The following ABCF2 variants were observed in gnomAD, a reference collection of about 807,000 sequenced individuals.
ABCF2 encodes ATP binding cassette subfamily F member 2.
ABCF2 carries 37 observed loss-of-function variants against 76.9 expected under a neutral mutation model. The ratio of observed to expected loss-of-function variants is 0.48; its 90% confidence interval spans 0.37 to 0.63. ABCF2 has a LOEUF of 0.63. Ranked by LOEUF, ABCF2 falls within the 30% of genes least tolerant of loss-of-function variation. The pLI is 0.00. For synonymous variants in ABCF2, 299 were observed against 283.7 expected (o/e 1.05, Z -0.54); for missense variants, 524 against 782.1 (o/e 0.67, Z 3.94).
Position 151,213,994 on chromosome 7 carries a change from G to A in ABCF2, c.*60C>T. 6.2e-7 allele frequency: 1 copy of A among 1,600,830 alleles called. No individual in the cohort carries two copies. On this transcript the variant is annotated 3_prime_UTR_variant, in exon 15 of 15. Transcript: ENST00000287844. The stretch of plus-strand genomic sequence containing the variant: ...CCCAGGGTCCTGTCCTGAGCGGCTG[G>A]TCAGGTTAGCAGCTGTTAGTTCCCA...
rs540220881 is a variant in ABCF2, at chr7:151,216,442, C to T, written c.1339-413G>A. 3.3e-5 allele frequency among the ~76,000 whole-genome samples: 5 copies of T among 152,326 alleles called. No homozygotes were observed. In the South Asian group the frequency reaches 1.0e-3, roughly 32 times the overall value. Reference sequence around the variant, plus strand: ...ACATATAGCAAAACTAATTTTGCCACAGGCTAACTGATATAAACAAGAATT... The same window carrying T: ...ACATATAGCAAAACTAATTTTGCCATAGGCTAACTGATATAAACAAGAATT... On this transcript the variant is annotated intron_variant, in intron 11 of 14. Coordinates refer to ENST00000287844, the MANE Select transcript of ABCF2 (RefSeq NM_007189.3).
In ABCF2 at chr7:151,221,673, G is replaced by A. The variant is rs1239651841; in HGVS notation, c.826C>T (p.Arg276Cys). 6.2e-7 allele frequency: 1 copy of A among 1,608,568 alleles called. No homozygotes were observed. Among genetic ancestry groups the A allele is most frequent in the Non-Finnish European group, 8.5e-7 (1 of 1,175,116 alleles). Reference protein sequence around the residue: ...WLEEELKTFKRILVLVSHSQD... With the variant: ...WLEEELKTFKCILVLVSHSQD... ...GAATGGGAGACGAGGACCAAGATGC[G>A]CTTAAAACTGTAAAGCCAAAGAACC... The change falls in exon 7 of 15, where the codon CGC becomes TGC. Residue 276 changes from arginine (R) to cysteine (C), a missense_variant. Coordinates refer to ENST00000287844, the MANE Select transcript of ABCF2 (RefSeq NM_007189.3).
chr7:151,217,037 A>G (rs1802165295), intron 11 of ABCF2, among the ~76,000 whole-genome samples: 2 of 152,254 alleles, frequency 1.3e-5, no homozygotes, highest in South Asian at 4.1e-4. Flanking sequence ...AATAATCACG[A>G]ATGTGGCTGG....
In ABCF2 at chr7:151,219,234, G is replaced by A. The variant is rs1014016521; in HGVS notation, c.922-75C>T. On this transcript the variant is annotated intron_variant, in intron 7 of 14. Coordinates refer to ENST00000287844, the MANE Select transcript of ABCF2 (RefSeq NM_007189.3). ...ATCCTGGATTCTCACTCAGAGTTTA[G>A]GGGGATGAGGGATGGCACTAACTTG... 5.4e-6 allele frequency: 7 copies of A among 1,295,578 alleles called. No individual in the cohort carries two copies. The South Asian group carries it at 7.1e-5, about 13-fold the overall frequency. 80.3% of individuals were successfully genotyped at this position (1,295,578 alleles called of 1,614,324 possible).
Position 151,213,378 on chromosome 7 carries a change from C to T in ABCF2, c.*676G>A, listed in dbSNP as rs1802086393. Reference sequence around the variant, plus strand: ...TCAGAAGTAAAGGGACAAAGTTCTTCCAGCTCCTATGGACTAGTCTTCAGT... The same window carrying T: ...TCAGAAGTAAAGGGACAAAGTTCTTTCAGCTCCTATGGACTAGTCTTCAGT... On this transcript the variant is annotated 3_prime_UTR_variant, in exon 15 of 15. Transcript: ENST00000287844. 1 of 985,254 alleles carries T rather than the reference C, an allele frequency of 1.0e-6. No individual in the cohort carries two copies. Among genetic ancestry groups the T allele is most frequent in the East Asian group, 1.1e-4 (1 of 8,814 alleles). 61.0% of individuals were successfully genotyped at this position (985,254 alleles called of 1,614,324 possible).
Position 151,214,121 on chromosome 7 carries a change from T to C in ABCF2, c.1805A>G (p.Lys602Arg). The change falls in exon 15 of 15, where the codon AAG becomes AGG. Residue 602 changes from lysine to arginine, a missense_variant. This residue lies in a region of ABCF2 where 194 missense variants were observed against 348.6 expected (regional missense o/e 0.56). Transcript: ENST00000287844. The surrounding 1 kb of genome is among the most constrained non-coding windows in gnomAD (Gnocchi z 4.9). ...TKWPGDILAY[K>R]EHLKSKLVDE... ...CACCAGCTTGGACTTGAGGTGCTCC[T>C]TGTAAGCCAGGATGTCTCCAGGCCA... is the stretch of plus-strand genomic sequence containing the variant. The C allele has an allele frequency of 1.2e-6, 2 of 1,614,204 alleles. No homozygotes were observed. Among genetic ancestry groups the C allele is most frequent in the Non-Finnish European group, 1.7e-6 (2 of 1,180,030 alleles).
At chr7:151,226,012 G>T (rs1271588733) in intron 2 of ABCF2, among the ~76,000 whole-genome samples, 1 of 152,162 alleles carries the variant, frequency 6.6e-6, no homozygotes, top group Non-Finnish European at 1.5e-5. Context: ...CATAGAAATG[G>T]AAACTGAGAA....
At chr7:151,216,079 T>C (rs1192178307) in intron 11 of ABCF2, 50 bp from the exon 12 acceptor site, 4 of 1,524,614 alleles carry the variant, frequency 2.6e-6, no homozygotes, top group East Asian at 2.3e-5. Context: ...GAAGCCCAGT[T>C]AGAAACATAG....
rs2150570695 is a variant in ABCF2 at position 151,211,988 on chromosome 7, C to T, written c.*2066G>A. ...AGCACACCAATTCCACCTTTCTGGG[C>T]AGCTACTCACAAGAAATTTCCCTCC... is the stretch of plus-strand genomic sequence containing the variant. On this transcript the variant is annotated 3_prime_UTR_variant, in exon 15 of 15. Coordinates refer to ENST00000287844, the MANE Select transcript of ABCF2 (RefSeq NM_007189.3). 1.0e-6 allele frequency: 1 copy of T among 974,106 alleles called. No homozygotes were observed. The highest frequency in any genetic ancestry group is 1.2e-6 in the Non-Finnish European group (1 of 819,668). The allele number at this position is 974,106 out of a possible 1,614,324, so 60.3% of individuals were successfully genotyped here.
In ABCF2 at chr7:151,214,953, C is replaced by T. The variant is rs758294368; in HGVS notation, c.1660G>A (p.Ala554Thr). ...TNHLDIETID[A>T]LADAINEFEG... is the part of the protein sequence containing the mutation. ...AACTCATTGATGGCATCTGCCAGGG[C>T]GTCGATGGTCTCGATATCCAGGTGA... The change falls in exon 14 of 15, where the codon GCC (alanine) becomes ACC (threonine). Residue 554 changes from alanine to threonine, a missense_variant. By Grantham distance (58) the Ala-to-Thr change is moderately conservative (BLOSUM62 0). Coordinates refer to ENST00000287844, the MANE Select transcript of ABCF2 (RefSeq NM_007189.3). This position sits in a 1 kb window ranked among gnomAD's most constrained non-coding sequence, Gnocchi z 4.9. 67 of 1,614,062 alleles carry T rather than the reference C, an allele frequency of 4.2e-5. No homozygotes were observed. The highest frequency in any genetic ancestry group is 5.1e-5 in the Non-Finnish European group (60 of 1,180,036).
At chr7:151,218,731 C>T (rs373824471) in intron 9 of ABCF2, 23 bp downstream of exon 9, 31 of 1,611,886 alleles carry the variant, frequency 1.9e-5, no homozygotes, top group African/African-American at 6.7e-5. Context: ...CACCCAATCA[C>T]ACCCCACCCA....
At position 151,226,467 on chromosome 7, in the gene ABCF2, C is replaced by A; in HGVS notation, c.-9G>T. Reference sequence around the variant, plus strand: ...GCCAGGTCGGAGGGCATGATGATGACCCACAGGGGTAGGTTACTGTTGTTT... The same window carrying A: ...GCCAGGTCGGAGGGCATGATGATGAACCACAGGGGTAGGTTACTGTTGTTT... On this transcript the variant is annotated 5_prime_UTR_variant, in exon 2 of 15. Transcript: ENST00000287844. The A allele has an allele frequency of 6.2e-7, 1 of 1,612,872 alleles. No individual in the cohort carries two copies. Among genetic ancestry groups the A allele is most frequent in the Non-Finnish European group, 8.5e-7 (1 of 1,179,548 alleles).
chr7:151,219,218 TCTCA>T (rs1461886339), intron 7 of ABCF2, 59 bp from the exon 8 acceptor site: 2 of 1,471,760 alleles, frequency 1.4e-6, no homozygotes, highest in East Asian at 2.3e-5. Flanking sequence ...AATCCTGGAT[TCTCA>T]CTCAGAGTTT....
intron 11 of ABCF2, among the ~76,000 whole-genome samples, chr7:151,217,110 T>C (rs1802166730): frequency 6.6e-6 from 1 of 152,238 alleles, no homozygotes; most frequent in African/African-American, 2.4e-5. Context: ...CAATATTTTA[T>C]ATTCATTCAT....
chr7:151,213,382 C>T lies in ABCF2; in HGVS notation c.*672G>A, dbSNP rs915070226. The T allele has an allele frequency of 1.0e-6, 1 of 985,404 alleles. No homozygotes were observed. The highest frequency in any genetic ancestry group is 1.2e-6 in the Non-Finnish European group (1 of 829,912). The allele number at this position is 985,404 out of a possible 1,614,324, so 61.0% of individuals were successfully genotyped here. On this transcript the variant is annotated 3_prime_UTR_variant, in exon 15 of 15. Transcript: ENST00000287844. Reference sequence around the variant, plus strand: ...AAGTAAAGGGACAAAGTTCTTCCAGCTCCTATGGACTAGTCTTCAGTTCCC... The same window carrying T: ...AAGTAAAGGGACAAAGTTCTTCCAGTTCCTATGGACTAGTCTTCAGTTCCC...
At position 151,216,108 on chromosome 7, in the gene ABCF2, C is replaced by T. The variant is rs141869170; in HGVS notation, c.1339-79G>A. ...AACATAGGCAGAGCAGGCAAACAAA[C>T]ACATGTTCACACTGAACAAGACTCA... is the stretch of plus-strand genomic sequence containing the variant. On this transcript the variant is annotated intron_variant, in intron 11 of 14. Transcript: ENST00000287844. The T allele has an allele frequency of 1.7e-4, 205 of 1,199,194 alleles. 1 individual carries two copies. The highest frequency in any genetic ancestry group is 2.4e-4 in the Non-Finnish European group (196 of 804,682). The allele number at this position is 1,199,194 out of a possible 1,614,324, so 74.3% of individuals were successfully genotyped here. A position where few individuals can be genotyped will look rare whatever the true frequency, so the allele number is the denominator to read the frequency against.
At position 151,219,299 on chromosome 7, in the gene ABCF2, G is replaced by A. The variant is rs1044566504; in HGVS notation, c.922-140C>T. 13 of 730,286 alleles carry A rather than the reference G, an allele frequency of 1.8e-5. No individual in the cohort carries two copies. In the African/African-American group the frequency reaches 2.2e-4, roughly 13 times the overall value. The allele number at this position is 730,286 out of a possible 1,614,324, so 45.2% of individuals were successfully genotyped here. A position where few individuals can be genotyped will look rare whatever the true frequency, so the allele number is the denominator to read the frequency against. On this transcript the variant is annotated intron_variant, in intron 7 of 14. Coordinates refer to ENST00000287844, the MANE Select transcript of ABCF2 (RefSeq NM_007189.3). Reference sequence around the variant, plus strand: ...GCTGTGCAGTAAGAAGAGAGGACGTGCATTACAGAAGCATATCCTAACATC... The same window carrying A: ...GCTGTGCAGTAAGAAGAGAGGACGTACATTACAGAAGCATATCCTAACATC...
intron 6 of ABCF2, 49 bp downstream of exon 6, chr7:151,222,472 T>C: frequency 6.8e-7 from 1 of 1,478,472 alleles, no homozygotes; most frequent in Non-Finnish European, 9.4e-7. Context: ...ATTTTCTAGA[T>C]TCCCCCTTTG....
rs1167442096 is a variant in ABCF2, at chr7:151,215,520, A to T, written c.1530+84T>A. The T allele has an allele frequency of 3.9e-6, 6 of 1,552,828 alleles. No individual in the cohort carries two copies. In the East Asian group the frequency reaches 1.3e-4, roughly 35 times the overall value. On this transcript the variant is annotated intron_variant, in intron 13 of 14. Coordinates refer to ENST00000287844, the MANE Select transcript of ABCF2 (RefSeq NM_007189.3). This position sits in a 1 kb window ranked among gnomAD's most constrained non-coding sequence, Gnocchi z 4.6. ...TCTGGTTTGGACAGCTTCCAAACCC[A>T]GGCTGCCAGGACAGTATCCCCTGAC...
Sources: gnomAD v4.1 joint callset for allele counts (sites outside exome capture counted in the v4.1 genomes callset) on GRCh38, gnomAD v4.1.1 for gene constraint, gnomAD v4.1.1 regional missense constraint, Gnocchi (gnomAD v3.1) non-coding constraint, MANE v1.5 for transcripts, NCBI Gene and HGNC (gene_info 2026-07-23, HGNC 2026-07-21) for gene names.